The following RAPGEF2 variants were observed in gnomAD, a reference collection of about 807,000 sequenced individuals.
RAPGEF2 encodes PDZ domain containing guanine nucleotide exchange factor (GEF) 1.
In RAPGEF2, 54 loss-of-function variants were observed where a neutral mutation model predicts 186.7. That is an observed-to-expected ratio of 0.29 (90% CI 0.23 to 0.36). The LOEUF is 0.36. Ranked by LOEUF, RAPGEF2 falls within the 10% of genes least tolerant of loss-of-function variation. The probability of loss-of-function intolerance (pLI) is 1.00; values close to 1 mark genes in which losing one functional copy is unlikely to be tolerated. For synonymous variants in RAPGEF2, 712 were observed against 705.9 expected (o/e 1.01, Z -0.14); for missense variants, 1,532 against 2,045.0 (o/e 0.75, Z 4.84).
At chr4:159,341,975 T>A (rs780917845) in intron 20 of RAPGEF2, 28 bp downstream of exon 20, 1 of 1,540,528 alleles carries the variant, frequency 6.5e-7, no homozygotes, top group Non-Finnish European at 8.7e-7. Context: ...TTCTTAAGAT[T>A]CAGTTCAGTT....
At chr4:159,318,057 TA>T (rs561602963) in intron 9 of RAPGEF2, among the ~76,000 whole-genome samples, 110 of 145,152 alleles carry the variant, frequency 7.6e-4, no homozygotes, top group South Asian at 8.8e-4. Flanking sequence ...AAGCCATCTT[TA>T]AAAAAAAAAA....
chr4:159,229,508 C>CT (rs1371543014), intron 4 of RAPGEF2: 2 of 152,202 alleles, frequency 1.3e-5, no homozygotes, highest in Admixed American at 1.3e-4. Flanking sequence ...GTTTCATTGC[C>CT]TATGGGTATT....
intron 7 of RAPGEF2, among the ~76,000 whole-genome samples, chr4:159,279,742 G>C (rs1561200535): frequency 6.6e-6 from 1 of 151,694 alleles, no homozygotes; most frequent in Non-Finnish European, 1.5e-5. Flanking sequence ...GCAGTGGTGT[G>C]ATCTCAGCTC....
chr4:159,233,162 A>C (rs1163301249), intron 4 of RAPGEF2, among the ~76,000 whole-genome samples: 1 of 152,044 alleles, frequency 6.6e-6, no homozygotes, highest in Non-Finnish European at 1.5e-5. Context: ...ATTTTGATGA[A>C]ATTTAGTTTA....
In RAPGEF2 at chr4:159,104,091, G is replaced by A. The variant is rs978553929; in HGVS notation, c.-72G>A. ...GGCGGGCGCAGCGCGCAGGGCGGAGGCAGCAGCGGCGCTGGGCCGGGAGGA... is the reference window on the plus strand; with the variant it reads ...GGCGGGCGCAGCGCGCAGGGCGGAGACAGCAGCGGCGCTGGGCCGGGAGGA... On this transcript the variant is annotated 5_prime_UTR_variant, in exon 1 of 30. Coordinates refer to ENST00000691494, the MANE Select transcript of RAPGEF2 (RefSeq NM_001394067.2). 24 of 1,000,616 alleles carry A rather than the reference G, an allele frequency of 2.4e-5. No individual in the cohort carries two copies. The East Asian group carries it at 7.7e-4, about 32-fold the overall frequency. 62.0% of individuals were successfully genotyped at this position (1,000,616 alleles called of 1,614,324 possible). A position where few individuals can be genotyped will look rare whatever the true frequency, so the allele number is the denominator to read the frequency against.
At chr4:159,104,875 A>G (rs1737708250) in intron 1 of RAPGEF2, among the ~76,000 whole-genome samples, 2 of 152,158 alleles carry the variant, frequency 1.3e-5, no homozygotes, top group South Asian at 4.1e-4. Context: ...AATTGAAGGG[A>G]AAAAAAGTTG....
intron 17 of RAPGEF2, 157 bp downstream of exon 17, chr4:159,332,854 T>A: frequency 1.2e-6 from 1 of 861,124 alleles, no homozygotes; most frequent in Non-Finnish European, 1.6e-6. Context: ...AAATTTGTTT[T>A]AATCTCGTTT....
intron 7 of RAPGEF2, among the ~76,000 whole-genome samples, chr4:159,272,027 T>G (rs1212449429): frequency 1.3e-5 from 2 of 152,182 alleles, no homozygotes; most frequent in Admixed American, 1.3e-4. Context: ...ATGTCTCAAC[T>G]TCCTCTGCCT....
chr4:159,142,755 C>T (rs1487159750), intron 1 of RAPGEF2, among the ~76,000 whole-genome samples: 2 of 151,968 alleles, frequency 1.3e-5, no homozygotes, highest in African/African-American at 2.4e-5. Flanking sequence ...GTATGAGTAA[C>T]AAATATTTAT....
At chr4:159,142,175 A>G (rs1241551786) in intron 1 of RAPGEF2, among the ~76,000 whole-genome samples, 1 of 152,238 alleles carries the variant, frequency 6.6e-6, no homozygotes, top group Non-Finnish European at 1.5e-5. Flanking sequence ...GAAAGTAAGA[A>G]GTACCCTAAT....
At chr4:159,324,644 G>A (rs1765688236) in intron 11 of RAPGEF2, among the ~76,000 whole-genome samples, 1 of 152,124 alleles carries the variant, frequency 6.6e-6, no homozygotes, top group Non-Finnish European at 1.5e-5. Context: ...TCAGTAGAAT[G>A]ACTTGCTAGT....
intron 11 of RAPGEF2, among the ~76,000 whole-genome samples, chr4:159,326,116 G>C (rs1765892538): frequency 6.6e-6 from 1 of 152,168 alleles, no homozygotes; most frequent in African/African-American, 2.4e-5. Context: ...CTTAGGCCTA[G>C]CATTTTATCC....
At chr4:159,247,982 G>A (rs571926411) in intron 7 of RAPGEF2, among the ~76,000 whole-genome samples, 2 of 151,850 alleles carry the variant, frequency 1.3e-5, no homozygotes, top group African/African-American at 2.4e-5. Context: ...GGCTGGTCGC[G>A]AACTCCCAAC....
intron 5 of RAPGEF2, among the ~76,000 whole-genome samples, chr4:159,239,998 G>A (rs964593010): frequency 1.3e-5 from 2 of 152,154 alleles, no homozygotes; most frequent in African/African-American, 2.4e-5. Context: ...ATTTGGTAAA[G>A]TTTTACAAAA....
chr4:159,118,507 G>A (rs1320112701), intron 1 of RAPGEF2, among the ~76,000 whole-genome samples: 2 of 150,694 alleles, frequency 1.3e-5, no homozygotes, highest in Non-Finnish European at 2.9e-5. Context: ...CAACCCTGTG[G>A]AAAAAGGTTG....
intron 26 of RAPGEF2, chr4:159,351,205 G>T: frequency 6.5e-7 from 1 of 1,528,938 alleles, no homozygotes; most frequent in Non-Finnish European, 8.8e-7. Context: ...AACCAAAAAT[G>T]GGGTGGGAAA....
intron 9 of RAPGEF2, among the ~76,000 whole-genome samples, chr4:159,316,901 G>A (rs754559364): frequency 1.3e-5 from 2 of 151,934 alleles, no homozygotes; most frequent in East Asian, 1.9e-4. Flanking sequence ...TTGTTTCTTC[G>A]AACACTGGAA....
intron 7 of RAPGEF2, among the ~76,000 whole-genome samples, chr4:159,256,935 T>C (rs1756241485): frequency 3.9e-5 from 6 of 152,190 alleles, no homozygotes; most frequent in African/African-American, 1.4e-4. Context: ...AGACTCTGGA[T>C]ATTAGACCTT....
At chr4:159,307,153 G>T (rs998647767) in intron 8 of RAPGEF2, among the ~76,000 whole-genome samples, 1 of 152,038 alleles carries the variant, frequency 6.6e-6, no homozygotes, top group Non-Finnish European at 1.5e-5. Context: ...AGGAACTGTG[G>T]CATGAAATAA....
Sources: gnomAD v4.1 joint callset for allele counts (sites outside exome capture counted in the v4.1 genomes callset) on GRCh38, gnomAD v4.1.1 for gene constraint, MANE v1.5 for transcripts, NCBI Gene and HGNC (gene_info 2026-07-23, HGNC 2026-07-21) for gene names.